Variants in KIF5C observed in about 807,000 individuals in gnomAD.
The protein encoded by KIF5C is kinesin heavy chain isoform 5C.
A neutral mutation model predicts 125.2 loss-of-function variants in KIF5C; 18 were observed. The observed-to-expected ratio is 0.14, with a 90% CI of 0.10 to 0.21. The LOEUF is 0.21. Among genes scored for constraint, KIF5C ranks in the 10% least tolerant of loss-of-function variants. KIF5C has a pLI of 1.00. For synonymous variants in KIF5C, 405 were observed against 434.0 expected (o/e 0.93, Z 0.83); for missense variants, 780 against 1,183.8 (o/e 0.66, Z 5.01).
At chr2:148,997,617 T>G in intron 18 of KIF5C, 1 of 461,464 alleles carries the variant, frequency 2.2e-6, no homozygotes, top group Non-Finnish European at 3.8e-6. Context: ...GCACCCCCAA[T>G]CACTGCATGG....
At chr2:148,915,837 G>A (rs1222418633) in intron 1 of KIF5C, among the ~76,000 whole-genome samples, 2 of 152,202 alleles carry the variant, frequency 1.3e-5, no homozygotes, top group East Asian at 3.9e-4. Flanking sequence ...TTCCCACTAG[G>A]GGTAATGGGA....
At chr2:148,922,317 G>A (rs1681820999) in intron 2 of KIF5C, 90 bp downstream of exon 2, 1 of 787,006 alleles carries the variant, frequency 1.3e-6, no homozygotes, top group Non-Finnish European at 2.0e-6. Flanking sequence ...AATGTGCCTT[G>A]ACTGTAAGCA....
In KIF5C at chr2:148,926,794, A is replaced by G. The variant is rs1008157275; in HGVS notation, c.218-2487A>G. ...GGCCTTTTCGTTTAAATTACCTTCT[A>G]GTGCAGCAGGGAGCCGATAGAGGGC... On this transcript the variant is annotated intron_variant, in intron 2 of 25. Coordinates refer to ENST00000435030, the MANE Select transcript of KIF5C (RefSeq NM_004522.3). 5.9e-5 allele frequency among the ~76,000 whole-genome samples: 9 copies of G among 152,172 alleles called. 1 individual carries two copies. The highest frequency in any genetic ancestry group is 4.6e-4 in the Admixed American group (7 of 15,282).
intron 16 of KIF5C, among the ~76,000 whole-genome samples, chr2:148,992,716 G>C (rs1292571558): frequency 6.6e-6 from 1 of 152,208 alleles, no homozygotes; most frequent in Non-Finnish European, 1.5e-5. Flanking sequence ...GGGGGAAATA[G>C]TCCATAGATT....
intron 10 of KIF5C, among the ~76,000 whole-genome samples, chr2:148,956,405 C>T (rs1682793690): frequency 6.6e-6 from 1 of 152,176 alleles, no homozygotes; most frequent in Admixed American, 6.5e-5. Context: ...GTAGCAGTAT[C>T]TAGATGGAAG....
chr2:148,944,208 A>G (rs1352261545), intron 7 of KIF5C, among the ~76,000 whole-genome samples: 1 of 152,210 alleles, frequency 6.6e-6, no homozygotes, highest in Non-Finnish European at 1.5e-5. Flanking sequence ...ACCATTTTAA[A>G]GTGTGCATTT....
At chr2:149,004,559 A>G (rs1434480712) in intron 21 of KIF5C, among the ~76,000 whole-genome samples, 2 of 152,234 alleles carry the variant, frequency 1.3e-5, no homozygotes, top group African/African-American at 2.4e-5. Flanking sequence ...AAATAATCCA[A>G]AATGAAGGGA....
chr2:149,016,546 G>A (rs908696499), intron 25 of KIF5C, among the ~76,000 whole-genome samples: 1 of 152,208 alleles, frequency 6.6e-6, no homozygotes, highest in African/African-American at 2.4e-5. Flanking sequence ...CTAGATTTTT[G>A]TGGGCTCTAG....
chr2:148,995,600 C>G (rs1681644809), intron 17 of KIF5C, among the ~76,000 whole-genome samples: 1 of 152,134 alleles, frequency 6.6e-6, no homozygotes, highest in South Asian at 2.1e-4. Context: ...TCTCAGAAAG[C>G]CATTTGAAAA....
At chr2:148,977,967 C>T (rs377688486) in intron 12 of KIF5C, among the ~76,000 whole-genome samples, 126 of 152,258 alleles carry the variant, frequency 8.3e-4, no homozygotes, top group South Asian at 1.7e-3. Context: ...AACACCTAGA[C>T]AGGACCTGGC....
At chr2:148,986,507 T>C (rs1681385624) in intron 15 of KIF5C, among the ~76,000 whole-genome samples, 1 of 152,234 alleles carries the variant, frequency 6.6e-6, no homozygotes, top group Non-Finnish European at 1.5e-5. Context: ...GTATCAAAAA[T>C]TGTCGGCTCA....
At chr2:148,938,182 G>A (rs1007867053) in intron 4 of KIF5C, among the ~76,000 whole-genome samples, 2 of 152,044 alleles carry the variant, frequency 1.3e-5, no homozygotes, top group African/African-American at 4.8e-5. Context: ...AGAGGATATT[G>A]TTTATAAGAT....
chr2:148,883,298 G>A (rs952691369), intron 1 of KIF5C, among the ~76,000 whole-genome samples: 11 of 152,038 alleles, frequency 7.2e-5, no homozygotes, highest in African/African-American at 2.4e-5. Flanking sequence ...TCAGGAGATC[G>A]AGACCATCCT....
chr2:148,994,648 C>T (rs1681615948), intron 17 of KIF5C, 110 bp downstream of exon 17: 1 of 1,250,846 alleles, frequency 8.0e-7, no homozygotes, highest in East Asian at 2.9e-5. Flanking sequence ...ATTTCTAGGT[C>T]TACTGCAAAC....
At chr2:148,903,918 G>A (rs1681000236) in intron 1 of KIF5C, among the ~76,000 whole-genome samples, 2 of 152,118 alleles carry the variant, frequency 1.3e-5, no homozygotes, top group African/African-American at 4.8e-5. Flanking sequence ...TGGGCAGGAT[G>A]GTTTAGATTC....
intron 3 of KIF5C, among the ~76,000 whole-genome samples, chr2:148,932,994 A>G (rs544153301): frequency 4.6e-5 from 7 of 152,300 alleles, no homozygotes; most frequent in African/African-American, 1.7e-4. Context: ...AGAATTATAC[A>G]GGATGCAGTT....
intron 15 of KIF5C, among the ~76,000 whole-genome samples, chr2:148,984,485 A>G (rs1681324786): frequency 6.6e-6 from 1 of 152,038 alleles, no homozygotes; most frequent in South Asian, 2.1e-4. Context: ...TTTCCTTTTC[A>G]TAATCCAGAG....
At chr2:148,919,603 CATACCA>C (rs977891989) in intron 1 of KIF5C, among the ~76,000 whole-genome samples, 6 of 152,154 alleles carry the variant, frequency 3.9e-5, no homozygotes, top group Non-Finnish European at 7.3e-5. Flanking sequence ...GTGAGATTTT[CATACCA>C]TTACTAAAGC....
chr2:148,962,137 G>C lies in KIF5C; in HGVS notation c.1117+18G>C. On this transcript the variant is annotated intron_variant, in intron 11 of 25. Transcript: ENST00000435030. ...GAGGAATGGTAAGGAAAAGTAAGGA[G>C]GAAGAGTGAGGCATGAGTGTGTGCT... 1 of 1,586,932 alleles carries C rather than the reference G, an allele frequency of 6.3e-7. No homozygotes were observed. Among genetic ancestry groups the C allele is most frequent in the Non-Finnish European group, 8.6e-7 (1 of 1,167,010 alleles).
Sources: allele counts gnomAD v4.1 joint callset (sites outside exome capture counted in the v4.1 genomes callset), GRCh38; gene constraint gnomAD v4.1.1; transcripts MANE v1.5; gene names NCBI Gene and HGNC (gene_info 2026-07-23, HGNC 2026-07-21).